ANXA13: variants seen among roughly 807,000 people sequenced by gnomAD.
The protein encoded by ANXA13 is annexin A13.
Under a neutral mutation model 46.6 loss-of-function variants are expected in ANXA13, and 36 were observed. The observed-to-expected ratio is 0.77, with a 90% confidence interval of 0.59 to 1.02. The LOEUF (loss-of-function observed/expected upper bound fraction) is 1.02. Ranked by LOEUF, ANXA13 falls within the 50% of genes least tolerant of loss-of-function variation. The pLI is 0.00. For synonymous variants in ANXA13, 163 were observed against 152.9 expected, an observed-to-expected ratio of 1.07 and a Z score of -0.49; for missense variants, 417 against 396.5, an observed-to-expected ratio of 1.05 and a Z score of -0.44.
Position 123,737,382 on chromosome 8 carries a change from C to A in ANXA13, c.-48G>T. On this transcript the variant is annotated 5_prime_UTR_variant, in exon 1 of 11. Coordinates refer to ENST00000419625, the MANE Select transcript of ANXA13 (RefSeq NM_004306.4). ...TTCTGTATTTCATCAAGAGATCAGT[C>A]CTCCTACAGGCAAAGTTTACAACAG... 6.5e-7 allele frequency: 1 copy of A among 1,537,684 alleles called. No individual in the cohort carries two copies. Among genetic ancestry groups the A allele is most frequent in the Non-Finnish European group, 8.9e-7 (1 of 1,120,970 alleles).
chr8:123,711,455 G>C (rs1001741), intron 2 of ANXA13, among the ~76,000 whole-genome samples: 12,547 of 151,892 alleles, frequency 0.083, 548 homozygotes, highest in African/African-American at 0.11. Flanking sequence ...CCTAGATGCT[G>C]TCTCCCTCAT....
intron 1 of ANXA13, among the ~76,000 whole-genome samples, chr8:123,736,432 T>C (rs1385270791): frequency 6.6e-6 from 1 of 152,204 alleles, no homozygotes; most frequent in Non-Finnish European, 1.5e-5. Context: ...TTTTAGTCAG[T>C]TTTTAGTCAT....
intron 4 of ANXA13, among the ~76,000 whole-genome samples, chr8:123,696,234 G>A (rs369775377): frequency 1.6e-3 from 245 of 152,022 alleles, no homozygotes; most frequent in Non-Finnish European, 2.6e-3. Context: ...ATAGTATCCC[G>A]GAGATCCAGC....
chr8:123,711,701 G>A (rs535173570), intron 2 of ANXA13: 21 of 150,542 alleles, frequency 1.4e-4, no homozygotes, highest in African/African-American at 4.4e-4. Context: ...TGCAACCTCT[G>A]ACTCCCTGGT....
chr8:123,698,970 T>C (rs1080109), intron 3 of ANXA13, among the ~76,000 whole-genome samples: 128,183 of 152,180 alleles, frequency 0.84, 54,491 homozygotes, highest in African/African-American at 0.93. Flanking sequence ...TCTCTAGGAC[T>C]GGAGAATTTG....
intron 2 of ANXA13, among the ~76,000 whole-genome samples, chr8:123,706,000 C>T (rs1306675713): frequency 6.6e-6 from 1 of 152,296 alleles, no homozygotes; most frequent in South Asian, 2.1e-4. Context: ...GTCCTTGAAC[C>T]GTTCACTTAA....
rs116493060 is a variant in ANXA13 at position 123,697,389 on chromosome 8, G to A, written c.357+1000C>T. On this transcript the variant is annotated intron_variant, in intron 4 of 10. Transcript: ENST00000419625. ...GGGGGGCCTGTGCTAACCCTCCTCCGAAGCATCATCCCAACCTGAGACTCC... is the reference window on the plus strand; with the variant it reads ...GGGGGGCCTGTGCTAACCCTCCTCCAAAGCATCATCCCAACCTGAGACTCC... Among the ~76,000 whole-genome samples the A allele has an allele frequency of 8.1e-3, 1,233 of 152,184 alleles. 20 individuals are homozygous for A. The highest frequency in any genetic ancestry group is 0.027 in the African/African-American group (1,139 of 41,516).
At chr8:123,694,055 T>C (rs1287915128) in intron 6 of ANXA13, among the ~76,000 whole-genome samples, 1 of 151,604 alleles carries the variant, frequency 6.6e-6, no homozygotes, top group African/African-American at 2.4e-5. Flanking sequence ...GCAGACTGAG[T>C]GCGATCTCTG....
rs1813314674 is a variant in ANXA13 at position 123,695,545 on chromosome 8, T to C, written c.428A>G (p.Asp143Gly). ...DRSLESDVKGDTSGNLKKILV... is the reference protein window; with the variant it reads ...DRSLESDVKGGTSGNLKKILV... ...GATTTTTTTTAGGTTTCCACTTGTA[T>C]CACCTTTGACATCTGATTCGAGGCT... Residue 143 changes from aspartate (D) to glycine (G), a missense_variant, in exon 6 of 11, where the codon GAT becomes GGT. Asp to Gly is a moderately conservative substitution (Grantham distance 94). Transcript: ENST00000419625. 1 of 1,614,014 alleles carries C rather than the reference T, an allele frequency of 6.2e-7. No individual in the cohort carries two copies. The highest frequency in any genetic ancestry group is 1.3e-5 in the African/African-American group (1 of 74,924).
Position 123,683,584 on chromosome 8 carries a change from C to CTTT in ANXA13, c.831+1023_831+1025dup, listed in dbSNP as rs5894671. Among the ~76,000 whole-genome samples the CTTT allele has an allele frequency of 5.0e-5, 5 of 100,822 alleles. 2 individuals are homozygous for CTTT. Among genetic ancestry groups the CTTT allele is most frequent in the African/African-American group, 4.0e-5 (1 of 24,766 alleles). 66.1% of individuals were successfully genotyped at this position (100,822 alleles called of 152,430 possible). ...CATATCCCGAACTGTTAGCTGTGAC[C>CTTT]TTTTTTTTTTTTTTTTTTTTGAGAC... On this transcript the variant is annotated intron_variant, in intron 10 of 10. Transcript: ENST00000419625.
intron 2 of ANXA13, among the ~76,000 whole-genome samples, chr8:123,703,445 G>C (rs1813483719): frequency 6.6e-6 from 1 of 152,174 alleles, no homozygotes; most frequent in African/African-American, 2.4e-5. Flanking sequence ...ATGCATCTGT[G>C]AGTATAATAA....
intron 1 of ANXA13, among the ~76,000 whole-genome samples, chr8:123,715,917 G>A (rs1372936270): frequency 6.6e-6 from 1 of 152,146 alleles, no homozygotes; most frequent in Non-Finnish European, 1.5e-5. Context: ...TGTAGGAGCT[G>A]AGGGGTGAGA....
At chr8:123,723,994 T>A (rs1035645667) in intron 1 of ANXA13, among the ~76,000 whole-genome samples, 5 of 152,190 alleles carry the variant, frequency 3.3e-5, no homozygotes, top group Non-Finnish European at 7.3e-5. Context: ...TCCCAGTTTG[T>A]ATTAATGTCA....
At chr8:123,706,015 A>T (rs1813533234) in intron 2 of ANXA13, among the ~76,000 whole-genome samples, 1 of 152,174 alleles carries the variant, frequency 6.6e-6, no homozygotes, top group Non-Finnish European at 1.5e-5. Context: ...ACTTAACCTC[A>T]AAGAGTATTT....
Position 123,737,309 on chromosome 8 carries a change from T to C in ANXA13, c.15+11A>G. 1.9e-6 allele frequency: 3 copies of C among 1,608,398 alleles called. No homozygotes were observed. The highest frequency in any genetic ancestry group is 2.5e-6 in the Non-Finnish European group (3 of 1,177,054). Reference sequence around the variant, plus strand: ...AATTAAAACCAATTCCCAAAGGCAATGAGTACTTACATGACGATTGCCCAT... The same window carrying C: ...AATTAAAACCAATTCCCAAAGGCAACGAGTACTTACATGACGATTGCCCAT... On this transcript the variant is annotated intron_variant, in intron 1 of 10. Transcript: ENST00000419625.
chr8:123,723,176 G>A (rs1813918530), intron 1 of ANXA13, among the ~76,000 whole-genome samples: 1 of 152,200 alleles, frequency 6.6e-6, no homozygotes. Flanking sequence ...GGGCCCATCA[G>A]TGGGAGGCAG....
At chr8:123,718,383 G>T (rs1356940319) in intron 1 of ANXA13, among the ~76,000 whole-genome samples, 1 of 152,144 alleles carries the variant, frequency 6.6e-6, no homozygotes, top group African/African-American at 2.4e-5. Flanking sequence ...TTTACACCGG[G>T]CAGTCACACT....
chr8:123,694,054 G>A (rs1282418486), intron 6 of ANXA13, among the ~76,000 whole-genome samples: 1 of 151,714 alleles, frequency 6.6e-6, no homozygotes, highest in African/African-American at 2.4e-5. Flanking sequence ...AGCAGACTGA[G>A]TGCGATCTCT....
intron 1 of ANXA13, among the ~76,000 whole-genome samples, chr8:123,734,321 A>T (rs1291320659): frequency 6.6e-6 from 1 of 152,314 alleles, no homozygotes; most frequent in South Asian, 2.1e-4. Flanking sequence ...AGAGTCATCT[A>T]GCTAAACCTA....
Sources: allele counts gnomAD v4.1 joint callset (sites outside exome capture counted in the v4.1 genomes callset), GRCh38; gene constraint gnomAD v4.1.1; transcripts MANE v1.5; gene names NCBI Gene and HGNC (gene_info 2026-07-23, HGNC 2026-07-21).